HPSE: variants seen among roughly 807,000 people sequenced by gnomAD.
The protein encoded by HPSE is endo-glucoronidase.
In HPSE, 48 loss-of-function variants were observed where a neutral mutation model predicts 65.1. The ratio of observed to expected loss-of-function variants is 0.74; its 90% CI spans 0.58 to 0.94. The LOEUF (loss-of-function observed/expected upper bound fraction) is 0.94, where lower values mean the gene tolerates loss of function less well. Ranked by LOEUF, HPSE falls within the 40% of genes least tolerant of loss-of-function variation. The probability of loss-of-function intolerance (pLI) is 0.00; values close to 1 mark genes in which losing one functional copy is unlikely to be tolerated. For synonymous variants in HPSE, 243 were observed against 260.0 expected, an observed-to-expected ratio of 0.93 and a Z score of 0.63; for missense variants, 644 against 637.5, an observed-to-expected ratio of 1.01 and a Z score of -0.11.
chr4:83,302,046 T>C, intron 10 of HPSE, 104 bp downstream of exon 10: 1 of 649,860 alleles, frequency 1.5e-6, no homozygotes, highest in Non-Finnish European at 2.7e-6. Flanking sequence ...TGCAACTGCC[T>C]ATACTTATGC....
At chr4:83,321,489 A>G (rs1036724783) in intron 2 of HPSE, among the ~76,000 whole-genome samples, 1 of 152,152 alleles carries the variant, frequency 6.6e-6, no homozygotes, top group African/African-American at 2.4e-5. Flanking sequence ...TAAATTATTA[A>G]AAAATAGAGA....
rs1197867658 is a variant in HPSE, at chr4:83,326,165, TGGAGA to T, written c.228-3806_228-3802del. ...CTGAGGTAAGGTAACAGCTCAGAGATGGAGAGAGATGGATAAATTCAAGACACACT... is the reference window on the plus strand; with the variant it reads ...CTGAGGTAAGGTAACAGCTCAGAGATGAGATGGATAAATTCAAGACACACT... On this transcript the variant is annotated intron_variant, in intron 1 of 11. Transcript: ENST00000311412. The surrounding 1 kb of genome is among the most constrained non-coding windows in gnomAD (Gnocchi z 4.2). Among the ~76,000 whole-genome samples, 1 of 152,050 alleles carries T rather than the reference TGGAGA, an allele frequency of 6.6e-6. No homozygotes were observed. The highest frequency in any genetic ancestry group is 2.4e-5 in the African/African-American group (1 of 41,396).
At chr4:83,323,469 AC>A (rs1279962089) in intron 1 of HPSE, among the ~76,000 whole-genome samples, 1 of 150,924 alleles carries the variant, frequency 6.6e-6, no homozygotes, top group Non-Finnish European at 1.5e-5. Context: ...TTTGCTGTGA[AC>A]CTAAAACTGC....
intron 1 of HPSE, among the ~76,000 whole-genome samples, chr4:83,334,149 T>C (rs1157951799): frequency 6.6e-6 from 1 of 152,110 alleles, no homozygotes; most frequent in Non-Finnish European, 1.5e-5. Context: ...CTAAACAATG[T>C]GTACACATGG....
At chr4:83,325,658 C>T (rs371204772) in intron 1 of HPSE, among the ~76,000 whole-genome samples, 52 of 152,206 alleles carry the variant, frequency 3.4e-4, no homozygotes, top group African/African-American at 1.2e-3. Flanking sequence ...TAGATACGAA[C>T]AAGTAAATAG....
chr4:83,310,688 A>G, intron 5 of HPSE, 34 bp downstream of exon 5: 1 of 1,573,076 alleles, frequency 6.4e-7, no homozygotes, highest in Non-Finnish European at 8.6e-7. Flanking sequence ...AAAAAGAAGA[A>G]AAGTAAAGTG....
chr4:83,318,405 A>G (rs1736739209), intron 3 of HPSE, among the ~76,000 whole-genome samples: 1 of 152,100 alleles, frequency 6.6e-6, no homozygotes, highest in South Asian at 2.1e-4. Context: ...TGGGTGGATC[A>G]CCTGAGGTCA....
Position 83,319,486 on chromosome 4 carries a change from T to C in HPSE, c.374-17A>G. ...TGCAAATATCTGCAAGTGGAAGAGATCATTTAGAAGGTCTGTTTTCACAGT... is the reference window on the plus strand; with the variant it reads ...TGCAAATATCTGCAAGTGGAAGAGACCATTTAGAAGGTCTGTTTTCACAGT... On this transcript the variant is annotated splice_polypyrimidine_tract_variant and intron_variant, in intron 2 of 11. Coordinates refer to ENST00000311412, the MANE Select transcript of HPSE (RefSeq NM_001098540.3). The C allele has an allele frequency of 1.2e-6, 2 of 1,612,188 alleles. No homozygotes were observed. The highest frequency in any genetic ancestry group is 1.7e-5 in the Admixed American group (1 of 59,840).
intron 9 of HPSE, among the ~76,000 whole-genome samples, chr4:83,304,568 C>CT (rs1466544540): frequency 1.4e-4 from 7 of 50,838 alleles, no homozygotes; most frequent in African/African-American, 1.0e-3. Flanking sequence ...ATGGTTCATG[C>CT]TGTAATCCCA....
rs192375162 is a variant in HPSE, at chr4:83,301,735, G to T, written c.1325+415C>A. Among the ~76,000 whole-genome samples the T allele has an allele frequency of 2.4e-4, 37 of 152,180 alleles. No individual in the cohort carries two copies. In the East Asian group the frequency reaches 6.2e-3, roughly 25 times the overall value. On this transcript the variant is annotated intron_variant, in intron 10 of 11. Transcript: ENST00000311412. ...AAACCTATCTAGAGAATATTCCTGAGATTTAGGAACATTTTTTGCTACCTA... is the reference window on the plus strand; with the variant it reads ...AAACCTATCTAGAGAATATTCCTGATATTTAGGAACATTTTTTGCTACCTA...
chr4:83,310,164 G>T, intron 5 of HPSE, 86 bp from the exon 6 acceptor site: 1 of 851,468 alleles, frequency 1.2e-6, no homozygotes, highest in South Asian at 1.7e-5. Flanking sequence ...CCTAGAAATG[G>T]GCTGGTTACT....
chr4:83,329,089 G>A (rs1435243851), intron 1 of HPSE, among the ~76,000 whole-genome samples: 3 of 152,126 alleles, frequency 2.0e-5, no homozygotes. Flanking sequence ...GAAAGGCAGA[G>A]AAATGGAGAG....
At chr4:83,307,945 T>C (rs909910395) in intron 8 of HPSE, among the ~76,000 whole-genome samples, 4 of 152,168 alleles carry the variant, frequency 2.6e-5, no homozygotes, top group African/African-American at 9.7e-5. Flanking sequence ...TGTTGGACAA[T>C]GAGATGATTT....
rs576583725 is a variant in HPSE at position 83,309,863 on chromosome 4, A to T, written c.890+168T>A. On this transcript the variant is annotated intron_variant, in intron 6 of 11. Transcript: ENST00000311412. The stretch of plus-strand genomic sequence containing the variant: ...ACTACATTATTTAAAATAACTTTAA[A>T]TTTTTTTTATTAATATTAAAATTGG... Among the ~76,000 whole-genome samples the T allele has an allele frequency of 1.7e-3, 258 of 152,206 alleles. No homozygotes were observed. The Middle Eastern group carries it at 0.017, about 10-fold the overall frequency.
chr4:83,319,665 C>T (rs555436804), intron 2 of HPSE, among the ~76,000 whole-genome samples, 196 bp from the exon 3 acceptor site: 1 of 152,204 alleles, frequency 6.6e-6, no homozygotes, highest in Admixed American at 6.5e-5. Flanking sequence ...ACAAAGAAAA[C>T]AACCAAGGGC....
At chr4:83,310,008 T>C in intron 6 of HPSE, 23 bp downstream of exon 6, 1 of 1,558,240 alleles carries the variant, frequency 6.4e-7, no homozygotes, top group Admixed American at 1.8e-5. Flanking sequence ...TTTCCTAGTA[T>C]TAAGAATAGG....
chr4:83,324,804 G>A (rs1292218387), intron 1 of HPSE, among the ~76,000 whole-genome samples: 1 of 152,224 alleles, frequency 6.6e-6, no homozygotes, highest in African/African-American at 2.4e-5. Flanking sequence ...TGGGTACAGA[G>A]TTTCAGTTTG....
chr4:83,318,125 C>T (rs1440135300), intron 3 of HPSE, among the ~76,000 whole-genome samples: 2 of 152,096 alleles, frequency 1.3e-5, no homozygotes, highest in African/African-American at 4.8e-5. Flanking sequence ...TAAAATCTTA[C>T]AAAGATAATT....
intron 1 of HPSE, among the ~76,000 whole-genome samples, chr4:83,334,156 A>G (rs575196995): frequency 6.6e-6 from 1 of 152,142 alleles, no homozygotes; most frequent in Admixed American, 6.5e-5. Context: ...ATGTGTACAC[A>G]TGGACTTAGT....
Sources: allele counts gnomAD v4.1 joint callset (sites outside exome capture counted in the v4.1 genomes callset), GRCh38; gene constraint gnomAD v4.1.1; non-coding constraint Gnocchi (gnomAD v3.1); transcripts MANE v1.5; gene names NCBI Gene and HGNC (gene_info 2026-07-23, HGNC 2026-07-21).